The following AACS variants were observed in gnomAD, a reference collection of about 807,000 sequenced individuals.
AACS encodes acetoacetate-CoA ligase.
A neutral mutation model predicts 83.1 loss-of-function variants in AACS; 69 were observed. That is an observed-to-expected ratio of 0.83 (90% CI 0.68 to 1.01). The LOEUF is 1.01. Ranked by LOEUF, AACS falls within the 50% of genes least tolerant of loss-of-function variation. The pLI is 0.00. For missense variants in AACS, 866 were observed against 882.2 expected (o/e 0.98, Z 0.23); for synonymous variants, 333 against 343.4 (o/e 0.97, Z 0.33).
chr12:125,119,756 CAT>C (rs1373707382), intron 10 of AACS: 2 of 152,106 alleles, frequency 1.3e-5, no homozygotes, highest in African/African-American at 2.4e-5. Flanking sequence ...ACAGCTAAAA[CAT>C]ATCAGAGATG....
chr12:125,069,001 G>A (rs1955783209), intron 1 of AACS, among the ~76,000 whole-genome samples: 2 of 152,102 alleles, frequency 1.3e-5, no homozygotes, highest in African/African-American at 2.4e-5. Context: ...CACCAAGCCC[G>A]GCTAATTTTT....
chr12:125,106,201 A>G (rs1480988597), intron 7 of AACS, among the ~76,000 whole-genome samples: 1 of 152,222 alleles, frequency 6.6e-6, no homozygotes, highest in East Asian at 1.9e-4. Flanking sequence ...GAGAAAGTCC[A>G]TTTGTCAGTT....
intron 3 of AACS, among the ~76,000 whole-genome samples, chr12:125,085,699 A>G (rs905083475): frequency 5.3e-5 from 8 of 152,160 alleles, no homozygotes; most frequent in Admixed American, 3.3e-4. Flanking sequence ...TGAGGGGGAC[A>G]TGGGACCTCT....
chr12:125,100,234 G>T (rs912950147), intron 5 of AACS, among the ~76,000 whole-genome samples: 1 of 152,188 alleles, frequency 6.6e-6, no homozygotes, highest in African/African-American at 2.4e-5. Flanking sequence ...GATTACAGGC[G>T]CGAGCCACCA....
rs376649709 is a variant in AACS at position 125,103,033 on chromosome 12, C to G, written c.719C>G (p.Pro240Arg). 1.3e-5 allele frequency: 21 copies of G among 1,613,978 alleles called. No individual in the cohort carries two copies. Among genetic ancestry groups the G allele is most frequent in the Admixed American group, 5.0e-5 (3 of 59,984 alleles). Reference sequence around the variant, plus strand: ...GACTTGAAGAAAGTGGTGGTGATTCCTTATGTGTCCTCCAGAGAGAACATA... The same window carrying G: ...GACTTGAAGAAAGTGGTGGTGATTCGTTATGTGTCCTCCAGAGAGAACATA... Reference protein sequence around the residue: ...LPDLKKVVVIPYVSSRENIDL... With the variant: ...LPDLKKVVVIRYVSSRENIDL... The change falls in exon 7 of 18, where the codon CCT becomes CGT. Residue 240 changes from proline (P) to arginine (R), a missense_variant. Transcript: ENST00000316519.
intron 3 of AACS, among the ~76,000 whole-genome samples, chr12:125,086,048 C>T (rs1268127170): frequency 1.3e-5 from 2 of 152,166 alleles, no homozygotes; most frequent in Non-Finnish European, 2.9e-5. Flanking sequence ...ACCTCAGCCT[C>T]CTAAAGTGCT....
chr12:125,124,830 C>T, intron 11 of AACS, 61 bp downstream of exon 11: 1 of 1,613,890 alleles, frequency 6.2e-7, no homozygotes, highest in Admixed American at 1.7e-5. Flanking sequence ...TAAATCCATC[C>T]TATTTCCTGC....
rs1956563547 is a variant in AACS at position 125,094,652 on chromosome 12, C to G, written c.570+3129C>G. Among the ~76,000 whole-genome samples, 1 of 152,184 alleles carries G rather than the reference C, an allele frequency of 6.6e-6. No individual in the cohort carries two copies. Among genetic ancestry groups the G allele is most frequent in the Non-Finnish European group, 1.5e-5 (1 of 68,030 alleles). On this transcript the variant is annotated intron_variant, in intron 5 of 17. Transcript: ENST00000316519. This position sits in a 1 kb window ranked among gnomAD's most constrained non-coding sequence, Gnocchi z 4.1. ...GTGCTTTACTTCTACCCATTCCATG[C>G]TCTCTCCCACCACTGCCCACCTCCT...
At chr12:125,086,268 C>G in intron 3 of AACS, 62 bp from the exon 4 acceptor site, 3 of 1,450,408 alleles carry the variant, frequency 2.1e-6, no homozygotes, top group East Asian at 2.3e-5. Flanking sequence ...CATTCAGTGT[C>G]TGGCTTGCAA....
Position 125,091,542 on chromosome 12 carries a change from C to T in AACS, c.570+19C>T. On this transcript the variant is annotated intron_variant, in intron 5 of 17. Coordinates refer to ENST00000316519, the MANE Select transcript of AACS (RefSeq NM_023928.5). ...TGTGAATGTGAGTCAGGGTCTGTGA[C>T]AGAGGGGGCACCCCTTGCCCTGTGA... 6.2e-7 allele frequency: 1 copy of T among 1,612,598 alleles called. No homozygotes were observed.
rs771501949 is a variant in AACS, at chr12:125,128,153, G to T, written c.1310-8G>T. ...AAATTTTGAGTCTCCCTTTGCCATT[G>T]CTTGCAGGAGGCACCGACATCATCT... On this transcript the variant is annotated splice_region_variant and splice_polypyrimidine_tract_variant and intron_variant, in intron 12 of 17. Transcript: ENST00000316519. 1 of 1,602,360 alleles carries T rather than the reference G, an allele frequency of 6.2e-7. No individual in the cohort carries two copies. Among genetic ancestry groups the T allele is most frequent in the Middle Eastern group, 1.7e-4 (1 of 6,022 alleles).
At chr12:125,072,564 A>G (rs1461878056) in intron 1 of AACS, among the ~76,000 whole-genome samples, 1 of 152,170 alleles carries the variant, frequency 6.6e-6, no homozygotes, top group East Asian at 1.9e-4. Flanking sequence ...CTGGAGCCCT[A>G]GCAAGGCTGT....
rs200867713 is a variant in AACS, at chr12:125,102,808, C to T, written c.685+15C>T. On this transcript the variant is annotated intron_variant, in intron 6 of 17. Coordinates refer to ENST00000316519, the MANE Select transcript of AACS (RefSeq NM_023928.5). ...GGTGGTTAAAGGTGTGTGGCCCTTC[C>T]GGCTCCCAGCCGGCATGGCTGGGTG... 48 of 1,610,986 alleles carry T rather than the reference C, an allele frequency of 3.0e-5. No homozygotes were observed. In the South Asian group the frequency reaches 3.4e-4, roughly 11 times the overall value.
intron 3 of AACS, among the ~76,000 whole-genome samples, chr12:125,082,873 C>T (rs934193180): frequency 6.6e-6 from 1 of 152,088 alleles, no homozygotes; most frequent in Non-Finnish European, 1.5e-5. Context: ...TGTTATAGAA[C>T]TGAAAAGCGA....
intron 5 of AACS, chr12:125,092,619 T>A (rs1274478080): frequency 6.6e-6 from 1 of 152,340 alleles, no homozygotes; most frequent in Non-Finnish European, 1.5e-5. Context: ...ACCTTGTAGA[T>A]CTGTACTGTG....
rs75772712 is a variant in AACS at position 125,072,806 on chromosome 12, GA to G, written c.134-1066del. 1.2e-3 allele frequency among the ~76,000 whole-genome samples: 176 copies of G among 152,220 alleles called. 5 individuals carry two copies. In the East Asian group the frequency reaches 0.027, roughly 23 times the overall value. ...TTCCAGCTCATGTCTTGATGGTGGGGAAAAGTTATTTTGAGTATAACTGAGT... is the reference window on the plus strand; with the variant it reads ...TTCCAGCTCATGTCTTGATGGTGGGGAAAGTTATTTTGAGTATAACTGAGT... On this transcript the variant is annotated intron_variant, in intron 1 of 17. Coordinates refer to ENST00000316519, the MANE Select transcript of AACS (RefSeq NM_023928.5).
intron 5 of AACS, chr12:125,102,316 C>T (rs1371564506): frequency 1.0e-5 from 2 of 197,010 alleles, no homozygotes; most frequent in East Asian, 1.3e-4. Flanking sequence ...TCTCAAAGTG[C>T]TTGGATTACA....
intron 5 of AACS, among the ~76,000 whole-genome samples, chr12:125,098,467 T>TC (rs1338302899): frequency 6.6e-6 from 1 of 151,652 alleles, no homozygotes; most frequent in Non-Finnish European, 1.5e-5. Flanking sequence ...TTTTTTTTTT[T>TC]CTGAGACAGA....
Position 125,113,325 on chromosome 12 carries a change from G to A in AACS, c.916-1152G>A, listed in dbSNP as rs1166401110. ...GCCCTCCACAACCAGGAGCACCTTT[G>A]TGATGAGCCAGAGGCTCACATCTGT... On this transcript the variant is annotated intron_variant, in intron 8 of 17. Coordinates refer to ENST00000316519, the MANE Select transcript of AACS (RefSeq NM_023928.5). The surrounding 1 kb of genome is among the most constrained non-coding windows in gnomAD (Gnocchi z 4.8). 6.6e-6 allele frequency among the ~76,000 whole-genome samples: 1 copy of A among 152,218 alleles called. No individual in the cohort carries two copies.
Sources: allele counts gnomAD v4.1 joint callset (sites outside exome capture counted in the v4.1 genomes callset), GRCh38; gene constraint gnomAD v4.1.1; non-coding constraint Gnocchi (gnomAD v3.1); transcripts MANE v1.5; gene names NCBI Gene and HGNC (gene_info 2026-07-23, HGNC 2026-07-21).